NDUFA7: variants seen among roughly 807,000 people sequenced by gnomAD.
NDUFA7 encodes NADH dehydrogenase [ubiquinone] 1 alpha subcomplex subunit 7.
In NDUFA7, 18 loss-of-function variants were observed where a neutral mutation model predicts 14.2. The observed-to-expected ratio is 1.27, with a 90% CI of 0.88 to 1.88. NDUFA7 has a LOEUF of 1.88. NDUFA7 is among the 40% of genes most tolerant of loss of function. The pLI is 0.00. For missense variants in NDUFA7, 172 were observed against 147.3 expected (o/e 1.17, Z -0.87); for synonymous variants, 75 against 62.1 (o/e 1.21, Z -0.98).
rs777750876 is a variant in NDUFA7, at chr19:8,316,576, G to C, written c.171C>G (p.Arg57=). The part of the protein sequence containing the change: ...HKLSNNYYCT[R]DGRRESVPPS... Reference sequence around the variant, plus strand: ...GGGGCACAGATTCCCGGCGGCCATCGCGAGTGCAATAGTAATTGTTGGAGA... The same window carrying C: ...GGGGCACAGATTCCCGGCGGCCATCCCGAGTGCAATAGTAATTGTTGGAGA... The change falls in exon 3 of 4, where the codon CGC becomes CGG. Residue 57 remains arginine, a synonymous_variant. Coordinates refer to ENST00000301457, the MANE Select transcript of NDUFA7 (RefSeq NM_005001.5). 8 of 1,614,018 alleles carry C rather than the reference G, an allele frequency of 5.0e-6. No individual in the cohort carries two copies. The highest frequency in any genetic ancestry group is 3.3e-4 in the Middle Eastern group (2 of 6,084).
chr19:8,309,709 G>A (rs561786231), downstream of NDUFA7, among the ~76,000 whole-genome samples: 2 of 152,216 alleles, frequency 1.3e-5, no homozygotes, highest in Admixed American at 6.5e-5. Context: ...GCCTGTAGCC[G>A]TGGCCTTTCC....
At chr19:8,313,377 CCCA>C (rs1970200311) in intron 3 of NDUFA7, among the ~76,000 whole-genome samples, 1 of 152,058 alleles carries the variant, frequency 6.6e-6, no homozygotes, top group Non-Finnish European at 1.5e-5. Context: ...ACTACAGGCG[CCCA>C]CCACCACACC....
chr19:8,315,127 G>C (rs1009157465), intron 3 of NDUFA7, among the ~76,000 whole-genome samples: 1 of 152,120 alleles, frequency 6.6e-6, no homozygotes, highest in Non-Finnish European at 1.5e-5. Flanking sequence ...AAGTACCCAG[G>C]GACACAAAAC....
chr19:8,312,748 T>A lies in NDUFA7; in HGVS notation c.252-1153A>T, dbSNP rs537578708. The stretch of plus-strand genomic sequence containing the variant: ...GCAATCTCAGCTCAGTGAAGCTTCC[T>A]CGACCTCCCAGGTTCAAGAGATCCT... On this transcript the variant is annotated intron_variant, in intron 3 of 3. Coordinates refer to ENST00000301457, the MANE Select transcript of NDUFA7 (RefSeq NM_005001.5). Among the ~76,000 whole-genome samples, 158 of 152,068 alleles carry A rather than the reference T, an allele frequency of 1.0e-3. 1 individual carries two copies. Among genetic ancestry groups the A allele is most frequent in the African/African-American group, 3.7e-3 (152 of 41,486 alleles).
At chr19:8,317,911 T>A (rs2145397389) in intron 2 of NDUFA7, among the ~76,000 whole-genome samples, 1 of 152,278 alleles carries the variant, frequency 6.6e-6, no homozygotes, top group Non-Finnish European at 1.5e-5. Flanking sequence ...GGCCTTAAGT[T>A]ATCCTCTCAC....
At position 8,316,554 on chromosome 19, in the gene NDUFA7, GCA is replaced by G. The variant is rs1599631565; in HGVS notation, c.191_192del (p.Val64AlafsTer27). 15 of 1,614,144 alleles carry G rather than the reference GCA, an allele frequency of 9.3e-6. No homozygotes were observed. The highest frequency in any genetic ancestry group is 1.3e-5 in the Non-Finnish European group (15 of 1,180,038). Reference protein sequence around the residue: ...YCTRDGRRESVPPSIIMSSQK... With the variant: ...YCTRDGRRESXPPSIIMSSQK... ...TGCGACGACATGATGATGGAAGGGG[GCA>G]CAGATTCCCGGCGGCCATCGCGAGT... On this transcript the variant is annotated frameshift_variant, in exon 3 of 4. Coordinates refer to ENST00000301457, the MANE Select transcript of NDUFA7 (RefSeq NM_005001.5). LOFTEE classifies it high-confidence loss of function.
chr19:8,318,111 A>G (rs1051241889), intron 2 of NDUFA7, among the ~76,000 whole-genome samples: 2 of 152,096 alleles, frequency 1.3e-5, no homozygotes, highest in Admixed American at 1.3e-4. Context: ...ATACCTTGGG[A>G]GGCCAAGGTG....
At position 8,320,047 on chromosome 19, in the gene NDUFA7, T is replaced by C. The variant is rs1048220572; in HGVS notation, c.101+810A>G. ...TTCTAGTAGAGAGGGGGTTTTACTG[T>C]GTTTCACTGTGTTGGCCAGGCTGGT... On this transcript the variant is annotated intron_variant, in intron 2 of 3. Coordinates refer to ENST00000301457, the MANE Select transcript of NDUFA7 (RefSeq NM_005001.5). Among the ~76,000 whole-genome samples, 3 of 152,064 alleles carry C rather than the reference T, an allele frequency of 2.0e-5. No homozygotes were observed. In the East Asian group the frequency reaches 5.8e-4, roughly 29 times the overall value.
In NDUFA7 at chr19:8,318,190, G is replaced by A. The variant is rs191121631; in HGVS notation, c.102-1545C>T. 5.1e-3 allele frequency among the ~76,000 whole-genome samples: 768 copies of A among 151,618 alleles called. 5 individuals carry two copies. Among genetic ancestry groups the A allele is most frequent in the African/African-American group, 0.018 (744 of 41,326 alleles). ...TTTTGAGATGGAGTCTCGCTCTGTC[G>A]CCCAGGCTAGAGTGCTGTGGTGCGA... On this transcript the variant is annotated intron_variant, in intron 2 of 3. Coordinates refer to ENST00000301457, the MANE Select transcript of NDUFA7 (RefSeq NM_005001.5).
chr19:8,316,843 G>A, intron 2 of NDUFA7, 198 bp from the exon 3 acceptor site: 4 of 603,652 alleles, frequency 6.6e-6, no homozygotes, highest in Non-Finnish European at 1.1e-5. Context: ...GCAGATGGTG[G>A]ACCCTGCTCT....
At chr19:8,316,064 G>A (rs1041158035) in intron 3 of NDUFA7, among the ~76,000 whole-genome samples, 13 of 148,256 alleles carry the variant, frequency 8.8e-5, no homozygotes, top group African/African-American at 3.0e-4. Context: ...GCAGAGAATC[G>A]CTTGAACCCG....
At chr19:8,319,774 G>A (rs551095397) in intron 2 of NDUFA7, among the ~76,000 whole-genome samples, 162 of 151,984 alleles carry the variant, frequency 1.1e-3, no homozygotes, top group South Asian at 3.5e-3. Context: ...CATCCATACT[G>A]GCCTCCTTCC....
chr19:8,308,748 C>T (rs1970138103), downstream of NDUFA7: 1 of 207,286 alleles, frequency 4.8e-6, no homozygotes, highest in Admixed American at 5.9e-5. Context: ...ATGCTAGCTA[C>T]TGGAGGGCAG....
In NDUFA7 at chr19:8,321,343, G is replaced by A. The variant is rs553849517; in HGVS notation, c.16C>T (p.Arg6Cys). ...CAGTTCCGCAGCCGCTGGATGAGAC[G>A]GGTGGCGGACGCCATCTTCCGTCCG... MASAT[R>C]LIQRLRNWAS... Residue 6 changes from arginine to cysteine, a missense_variant, in exon 1 of 4, where the codon CGT (arginine) becomes TGT (cysteine). Physicochemically the swap from Arg to Cys is radical, Grantham distance 180. Coordinates refer to ENST00000301457, the MANE Select transcript of NDUFA7 (RefSeq NM_005001.5). 23 of 1,578,500 alleles carry A rather than the reference G, an allele frequency of 1.5e-5. No homozygotes were observed. The highest frequency in any genetic ancestry group is 1.2e-4 in the South Asian group (10 of 86,704).
chr19:8,310,042 C>T (rs1970156571), downstream of NDUFA7, among the ~76,000 whole-genome samples: 2 of 152,320 alleles, frequency 1.3e-5, no homozygotes, highest in Admixed American at 6.5e-5. Context: ...CTGCCTTCCC[C>T]GTTGAGCTGC....
intron 3 of NDUFA7, among the ~76,000 whole-genome samples, chr19:8,315,390 G>A (rs1009146349): frequency 8.5e-5 from 13 of 152,178 alleles, no homozygotes; most frequent in South Asian, 2.1e-4. Context: ...TGTAAAACCC[G>A]ATTGTATATT....
intron 2 of NDUFA7, among the ~76,000 whole-genome samples, chr19:8,318,189 C>T (rs777010733): frequency 7.3e-5 from 11 of 151,410 alleles, no homozygotes; most frequent in South Asian, 4.2e-4. Context: ...CTCGCTCTGT[C>T]GCCCAGGCTA....
downstream of NDUFA7, among the ~76,000 whole-genome samples, chr19:8,310,302 G>A (rs113832424): frequency 0.022 from 3,347 of 152,042 alleles, 171 homozygotes; most frequent in South Asian, 0.17. Flanking sequence ...TGTGGCAGGC[G>A]CCTGTAATCC....
rs375339162 is a variant in NDUFA7 at position 8,316,472 on chromosome 19, G to T, written c.251+24C>A. The stretch of plus-strand genomic sequence containing the variant: ...TGCAGGAGGGGGCATGGGGGCTGTG[G>T]TGAGCAGCGCTGGAGATCCTCACCT... On this transcript the variant is annotated intron_variant, in intron 3 of 3. Coordinates refer to ENST00000301457, the MANE Select transcript of NDUFA7 (RefSeq NM_005001.5). 1.5e-5 allele frequency: 24 copies of T among 1,612,516 alleles called. No individual in the cohort carries two copies. In the African/African-American group the frequency reaches 3.2e-4, roughly 22 times the overall value.
Sources: gnomAD v4.1 joint callset for allele counts (sites outside exome capture counted in the v4.1 genomes callset) on GRCh38, gnomAD v4.1.1 for gene constraint, MANE v1.5 for transcripts, NCBI Gene and HGNC (gene_info 2026-07-23, HGNC 2026-07-21) for gene names.